Variants in GAL3ST4 observed in about 807,000 individuals in gnomAD.
The protein encoded by GAL3ST4 is beta-galactose-3-O-sulfotransferase 4.
Under a neutral mutation model 31.6 loss-of-function variants are expected in GAL3ST4, and 30 were observed. The observed-to-expected ratio is 0.95, with a 90% CI of 0.71 to 1.29. The LOEUF is 1.29. Among genes scored for constraint, GAL3ST4 ranks in the 50% most tolerant of loss-of-function variants. The pLI is 0.00. For synonymous variants in GAL3ST4, 248 were observed against 256.9 expected (o/e 0.97, Z 0.33); for missense variants, 629 against 625.2 (o/e 1.01, Z -0.06).
intron 3 of GAL3ST4, among the ~76,000 whole-genome samples, chr7:100,161,632 A>G (rs11771167): frequency 0.53 from 78,147 of 146,850 alleles, 21,023 homozygotes; most frequent in East Asian, 0.63. Context: ...CAGCCTGGCC[A>G]ACAGAGCAAG....
intron 3 of GAL3ST4, among the ~76,000 whole-genome samples, chr7:100,166,068 G>A (rs1418805941): frequency 6.6e-6 from 1 of 152,194 alleles, no homozygotes; most frequent in Non-Finnish European, 1.5e-5. Flanking sequence ...GGAGGCTGAG[G>A]TGGGAGGATC....
In GAL3ST4 at chr7:100,160,542, A is replaced by AC; in HGVS notation, c.846dup (p.Ser283ValfsTer17). On this transcript the variant is annotated frameshift_variant, in exon 4 of 4. Transcript: ENST00000360039. LOFTEE classifies it high-confidence loss of function. Reference sequence around the variant, plus strand: ...AGACCCCACTGGATGAAGGATGAAGACCCCAAATCGAAAGAGGCAGGGCTT... The same window carrying AC: ...AGACCCCACTGGATGAAGGATGAAGACCCCCAAATCGAAAGAGGCAGGGCTT... 6.2e-7 allele frequency: 1 copy of AC among 1,613,656 alleles called. No individual in the cohort carries two copies.
Position 100,167,082 on chromosome 7 carries a change from G to A in GAL3ST4, c.14C>T (p.Ser5Phe). 2 of 1,554,980 alleles carry A rather than the reference G, an allele frequency of 1.3e-6. No individual in the cohort carries two copies. The highest frequency in any genetic ancestry group is 1.7e-6 in the Non-Finnish European group (2 of 1,148,580). The change falls in exon 2 of 4, where the codon TCT (serine) becomes TTT (phenylalanine). Residue 5 changes from serine (S) to phenylalanine (F), a missense_variant. Coordinates refer to ENST00000360039, the MANE Select transcript of GAL3ST4 (RefSeq NM_024637.5). Reference protein sequence around the residue: MGPLSPARTLRLWGP... With the variant: MGPLFPARTLRLWGP... Reference sequence around the variant, plus strand: ...CCAGAGCCGCAGCGTCCTGGCAGGAGAGAGAGGGCCCATGTGGCACAGGGA... The same window carrying A: ...CCAGAGCCGCAGCGTCCTGGCAGGAAAGAGAGGGCCCATGTGGCACAGGGA...
In GAL3ST4 at chr7:100,166,931, C is replaced by CG. The variant is rs541238629; in HGVS notation, c.125+39dup. 2.5e-5 allele frequency: 40 copies of CG among 1,584,220 alleles called. No individual in the cohort carries two copies. In the African/African-American group the frequency reaches 4.4e-4, roughly 18 times the overall value. ...CAGGTGGGATGGGGAAGAGCAAGTA[C>CG]GGGGCGTCTAGAAGGAGTTGGGGCA... On this transcript the variant is annotated intron_variant, in intron 2 of 3. Coordinates refer to ENST00000360039, the MANE Select transcript of GAL3ST4 (RefSeq NM_024637.5).
intron 3 of GAL3ST4, among the ~76,000 whole-genome samples, chr7:100,161,360 ACT>A (rs1421607528): frequency 1.3e-5 from 2 of 151,844 alleles, no homozygotes; most frequent in Non-Finnish European, 2.9e-5. Flanking sequence ...CAAAAATAAA[ACT>A]AAAAAGCCGG....
In GAL3ST4 at chr7:100,159,740, G is replaced by A. The variant is rs1181239088; in HGVS notation, c.*188C>T. On this transcript the variant is annotated 3_prime_UTR_variant, in exon 4 of 4. Transcript: ENST00000360039. The stretch of plus-strand genomic sequence containing the variant: ...GTTTCAAAAAAAAAAAAAGTTGGGG[G>A]GAAAGAACAAAATGAGTGGAGGGTG... The A allele has an allele frequency of 1.8e-6, 1 of 563,032 alleles. No homozygotes were observed. The highest frequency in any genetic ancestry group is 3.1e-6 in the Non-Finnish European group (1 of 324,914). 34.9% of individuals were successfully genotyped at this position (563,032 alleles called of 1,614,324 possible). A position where few individuals can be genotyped will look rare whatever the true frequency, so the allele number is the denominator to read the frequency against.
intron 3 of GAL3ST4, among the ~76,000 whole-genome samples, chr7:100,165,093 C>T (rs1315264592): frequency 6.6e-6 from 1 of 152,024 alleles, no homozygotes; most frequent in African/African-American, 2.4e-5. Context: ...CCAGGATGGT[C>T]TCGATCTCCT....
chr7:100,164,404 C>T (rs935767787), intron 3 of GAL3ST4, among the ~76,000 whole-genome samples: 8 of 152,164 alleles, frequency 5.3e-5, no homozygotes, highest in African/African-American at 1.9e-4. Flanking sequence ...GTGGCTGACA[C>T]CTGGAATCCC....
rs747443856 is a variant in GAL3ST4, at chr7:100,166,796, C to T, written c.135G>A (p.Gly45=). 8.7e-6 allele frequency: 14 copies of T among 1,603,506 alleles called. No individual in the cohort carries two copies. The East Asian group carries it at 9.0e-5, about 10-fold the overall frequency. ...LGGPFQRRLP[G]LQLRQPSAPS... ...GGGCCGAGGGCTGTCGGAGCTGTAGCCCAGGTAGCCTGGGAAGAGATGGAG... is the reference window on the plus strand; with the variant it reads ...GGGCCGAGGGCTGTCGGAGCTGTAGTCCAGGTAGCCTGGGAAGAGATGGAG... The change falls in exon 3 of 4, where the codon GGG becomes GGA. Residue 45 remains glycine, a synonymous_variant. Coordinates refer to ENST00000360039, the MANE Select transcript of GAL3ST4 (RefSeq NM_024637.5).
At chr7:100,161,034 G>A in intron 3 of GAL3ST4, 75 bp from the exon 4 acceptor site, 2 of 1,311,682 alleles carry the variant, frequency 1.5e-6, no homozygotes, top group Non-Finnish European at 2.0e-6. Context: ...CAAGCCATGT[G>A]TCCGCTGACC....
chr7:100,159,719 CAAAA>C lies in GAL3ST4; in HGVS notation c.*205_*208del, dbSNP rs374600359. 9.1e-6 allele frequency: 4 copies of C among 440,072 alleles called. No homozygotes were observed. The highest frequency in any genetic ancestry group is 4.4e-5 in the African/African-American group (2 of 45,266). 27.3% of individuals were successfully genotyped at this position (440,072 alleles called of 1,614,324 possible). A position where few individuals can be genotyped will look rare whatever the true frequency, so the allele number is the denominator to read the frequency against. Reference sequence around the variant, plus strand: ...TGGGGGACAGAGCAAGACTCCGTTTCAAAAAAAAAAAAAGTTGGGGGGAAAGAAC... The same window carrying C: ...TGGGGGACAGAGCAAGACTCCGTTTCAAAAAAAAAGTTGGGGGGAAAGAAC... On this transcript the variant is annotated 3_prime_UTR_variant, in exon 4 of 4. Coordinates refer to ENST00000360039, the MANE Select transcript of GAL3ST4 (RefSeq NM_024637.5).
intron 3 of GAL3ST4, among the ~76,000 whole-genome samples, chr7:100,161,911 G>A (rs914283231): frequency 2.6e-5 from 4 of 151,660 alleles, no homozygotes; most frequent in Admixed American, 6.6e-5. Flanking sequence ...AGTGGGAGTT[G>A]AACAGTGAGA....
chr7:100,167,012 A>G lies in GAL3ST4; in HGVS notation c.84T>C (p.Ile28=), dbSNP rs1488770922. Residue 28 remains isoleucine, a synonymous_variant, in exon 2 of 4, where the codon ATT becomes ATC. Transcript: ENST00000360039. ...CTCCCAAGAGCTGGAGTGCAAAGCC[A>G]ATGGTCATGAAGACTCCCAGAGCCA... is the stretch of plus-strand genomic sequence containing the variant. ...LGVALGVFMT[I]GFALQLLGGP... 6.3e-7 allele frequency: 1 copy of G among 1,578,596 alleles called. No homozygotes were observed. Among genetic ancestry groups the G allele is most frequent in the African/African-American group, 1.3e-5 (1 of 74,656 alleles).
At chr7:100,163,735 A>G (rs1411114583) in intron 3 of GAL3ST4, among the ~76,000 whole-genome samples, 4 of 151,964 alleles carry the variant, frequency 2.6e-5, no homozygotes, top group East Asian at 3.9e-4. Context: ...GGGTCTTGCT[A>G]TGTTGCCCAG....
At chr7:100,163,670 G>A (rs915445975) in intron 3 of GAL3ST4, among the ~76,000 whole-genome samples, 16 of 152,040 alleles carry the variant, frequency 1.1e-4, no homozygotes, top group South Asian at 8.3e-4. Flanking sequence ...GAATAGCTGG[G>A]ACTACAGGCA....
In GAL3ST4 at chr7:100,160,781, TC is replaced by T. The variant is rs1166669517; in HGVS notation, c.607del (p.Asp203ThrfsTer120). 1.9e-6 allele frequency: 3 copies of T among 1,613,906 alleles called. No homozygotes were observed. Among genetic ancestry groups the T allele is most frequent in the Non-Finnish European group, 2.5e-6 (3 of 1,180,004 alleles). On this transcript the variant is annotated frameshift_variant, in exon 4 of 4. Coordinates refer to ENST00000360039, the MANE Select transcript of GAL3ST4 (RefSeq NM_024637.5). LOFTEE classifies it low-confidence loss of function (END_TRUNC). ...RGFYRPGARG[D>X]HYARNLLWFD... is the part of the protein sequence containing the mutation. ...CCATAGTAAGTTGCGAGCGTAGTGG[TC>T]CCCACGGGCCCCAGGCCTGTAGAAG...
chr7:100,167,823 C>G (rs1475469691), intron 1 of GAL3ST4: 1 of 152,528 alleles, frequency 6.6e-6, no homozygotes, highest in Non-Finnish European at 1.5e-5. Flanking sequence ...ATTCCCGCGC[C>G]TCTTTTTTCT....
chr7:100,159,935 G>T lies in GAL3ST4; in HGVS notation c.1454C>A (p.Ser485Tyr). The stretch of plus-strand genomic sequence containing the variant: ...AAATCTGTAGTCTGATGTTTATGGG[G>T]AGAGTGGCCTTGAAGTCTTGAGGGG... ...SLPLKTSRPLSP is the reference protein window; with the variant it reads ...SLPLKTSRPLYP Residue 485 changes from serine (S) to tyrosine (Y), a missense_variant, in exon 4 of 4, where the codon TCC (serine) becomes TAC (tyrosine). Physicochemically the swap from Ser to Tyr is moderately radical, Grantham distance 144 (BLOSUM62 -2). Transcript: ENST00000360039. 1 of 1,601,730 alleles carries T rather than the reference G, an allele frequency of 6.2e-7. No homozygotes were observed. The highest frequency in any genetic ancestry group is 8.5e-7 in the Non-Finnish European group (1 of 1,173,168).
intron 3 of GAL3ST4, among the ~76,000 whole-genome samples, chr7:100,165,628 G>A (rs575117008): frequency 6.6e-6 from 1 of 151,688 alleles, no homozygotes; most frequent in South Asian, 2.1e-4. Context: ...GCCAGCCTGG[G>A]CAACATAGTG....
Sources: allele counts gnomAD v4.1 joint callset (sites outside exome capture counted in the v4.1 genomes callset), GRCh38; gene constraint gnomAD v4.1.1; transcripts MANE v1.5; gene names NCBI Gene and HGNC (gene_info 2026-07-23, HGNC 2026-07-21).